The following SLC35B4 variants were observed in gnomAD, a reference collection of about 807,000 sequenced individuals.
SLC35B4 encodes nucleotide sugar transporter SLC35B4.
In SLC35B4, 28 loss-of-function variants were observed where a neutral mutation model predicts 39.5. The observed-to-expected ratio is 0.71, with a 90% CI of 0.53 to 0.97. The LOEUF (loss-of-function observed/expected upper bound fraction) is 0.97. SLC35B4 is among the 50% of genes least tolerant of loss of function. The probability of loss-of-function intolerance (pLI) is 0.00; values close to 1 mark genes in which losing one functional copy is unlikely to be tolerated. For synonymous variants in SLC35B4, 145 were observed against 150.4 expected, an observed-to-expected ratio of 0.96 and a Z score of 0.26; for missense variants, 334 against 414.3, an observed-to-expected ratio of 0.81 and a Z score of 1.68.
chr7:134,316,782 C>CA lies in SLC35B4; in HGVS notation c.-32dup. On this transcript the variant is annotated 5_prime_UTR_variant, in exon 1 of 10. Coordinates refer to ENST00000378509, the MANE Select transcript of SLC35B4 (RefSeq NM_032826.5). Reference sequence around the variant, plus strand: ...GTGCAGGGTTGGGGAAGCAAGCGCACAGAGTAAGCGCCCGCCTGTACCGCT... The same window carrying CA: ...GTGCAGGGTTGGGGAAGCAAGCGCACAAGAGTAAGCGCCCGCCTGTACCGCT... 6.5e-7 allele frequency: 1 copy of CA among 1,531,614 alleles called. No homozygotes were observed. Among genetic ancestry groups the CA allele is most frequent in the Non-Finnish European group, 8.8e-7 (1 of 1,141,108 alleles). 94.9% of individuals were successfully genotyped at this position (1,531,614 alleles called of 1,614,324 possible). A position where few individuals can be genotyped will look rare whatever the true frequency, so the allele number is the denominator to read the frequency against.
At chr7:134,302,450 A>C (rs1803605189) in intron 4 of SLC35B4, among the ~76,000 whole-genome samples, 1 of 152,166 alleles carries the variant, frequency 6.6e-6, no homozygotes, top group Admixed American at 6.5e-5. Context: ...CCTTACTAGG[A>C]TCTGTTGCTT....
At chr7:134,296,945 G>A (rs989851294) in intron 8 of SLC35B4, among the ~76,000 whole-genome samples, 2 of 152,188 alleles carry the variant, frequency 1.3e-5, no homozygotes, top group Non-Finnish European at 2.9e-5. Flanking sequence ...TTTTGAGACA[G>A]AGTCTCACTC....
chr7:134,294,873 G>C lies in SLC35B4; in HGVS notation c.956C>G (p.Thr319Ser), dbSNP rs1486079227. 2.5e-6 allele frequency: 4 copies of C among 1,614,070 alleles called. No individual in the cohort carries two copies. Among genetic ancestry groups the C allele is most frequent in the Non-Finnish European group, 3.4e-6 (4 of 1,180,022 alleles). The change falls in exon 10 of 10, where the codon ACC (threonine) becomes AGC (serine). Residue 319 changes from threonine (T) to serine (S), a missense_variant. Transcript: ENST00000378509. Reference protein sequence around the residue: ...MYTEVWNNLGTTKSEPQKDSK... With the variant: ...MYTEVWNNLGSTKSEPQKDSK... Reference sequence around the variant, plus strand: ...GTCCTTCTGAGGCTCACTTTTTGTGGTCCCTAGGTTGTTCCACACCTCTGT... The same window carrying C: ...GTCCTTCTGAGGCTCACTTTTTGTGCTCCCTAGGTTGTTCCACACCTCTGT...
In SLC35B4 at chr7:134,295,008, G is replaced by T. The variant is rs1393663534; in HGVS notation, c.821C>A (p.Thr274Asn). 2 of 1,614,036 alleles carry T rather than the reference G, an allele frequency of 1.2e-6. No homozygotes were observed. The highest frequency in any genetic ancestry group is 1.7e-6 in the Non-Finnish European group (2 of 1,180,034). Residue 274 changes from threonine to asparagine, a missense_variant, in exon 10 of 10, where the codon ACC (threonine) becomes AAC (asparagine). Thr to Asn is a moderately conservative substitution (Grantham distance 65). Coordinates refer to ENST00000378509, the MANE Select transcript of SLC35B4 (RefSeq NM_032826.5). Reference sequence around the variant, plus strand: ...GATGAGGCTCACAAATTTGCGTAGGGTCACGACGAGCGTGACGGTGAGGGA... The same window carrying T: ...GATGAGGCTCACAAATTTGCGTAGGTTCACGACGAGCGTGACGGTGAGGGA... ...CASLTVTLVV[T>N]LRKFVSLIFS...
chr7:134,303,249 G>A (rs1395479644), intron 4 of SLC35B4, among the ~76,000 whole-genome samples: 1 of 152,096 alleles, frequency 6.6e-6, no homozygotes, highest in African/African-American at 2.4e-5. Context: ...GACACACTCA[G>A]AACAAGTTCT....
At chr7:134,299,476 T>C (rs1447999860) in intron 8 of SLC35B4, 47 bp downstream of exon 8, 1 of 1,457,360 alleles carries the variant, frequency 6.9e-7, no homozygotes, top group Admixed American at 1.7e-5. Flanking sequence ...ACTGAGACTC[T>C]GCCTCAGAAA....
At chr7:134,307,080 A>C (rs1345387942) in intron 2 of SLC35B4, among the ~76,000 whole-genome samples, 1 of 152,238 alleles carries the variant, frequency 6.6e-6, no homozygotes, top group Non-Finnish European at 1.5e-5. Context: ...ATACCTCTGA[A>C]GAACTTGAAA....
chr7:134,289,867 G>T lies in SLC35B4; in HGVS notation c.*4966C>A, dbSNP rs983881502. 6.6e-6 allele frequency: 1 copy of T among 152,054 alleles called. No homozygotes were observed. 9.4% of individuals were successfully genotyped at this position (152,054 alleles called of 1,614,324 possible). On this transcript the variant is annotated 3_prime_UTR_variant, in exon 10 of 10. Coordinates refer to ENST00000378509, the MANE Select transcript of SLC35B4 (RefSeq NM_032826.5). ...AGTATTTCTGCTTTTCTTTTTTCAC[G>T]TATCTCTGGCTCCCTTGCAACTTGC...
chr7:134,317,793 A>ATTCTTTATTT (rs200496417), upstream of SLC35B4, among the ~76,000 whole-genome samples: 1,836 of 152,356 alleles, frequency 0.012, 39 homozygotes, highest in African/African-American at 0.042. Context: ...TACGTACATA[A>ATTCTTTATTT]GCTAGTGCGG....
intron 1 of SLC35B4, among the ~76,000 whole-genome samples, chr7:134,310,694 G>A (rs891656419): frequency 1.3e-5 from 2 of 151,904 alleles, no homozygotes; most frequent in African/African-American, 2.4e-5. Flanking sequence ...ACAGGTGCCC[G>A]CCACCAGGCC....
rs572864672 is a variant in SLC35B4 at position 134,289,898 on chromosome 7, T to C, written c.*4935A>G. The C allele has an allele frequency of 6.6e-6, 1 of 152,282 alleles. No homozygotes were observed. The highest frequency in any genetic ancestry group is 2.4e-5 in the African/African-American group (1 of 41,566). The allele number at this position is 152,282 out of a possible 1,614,324, so 9.4% of individuals were successfully genotyped here. On this transcript the variant is annotated 3_prime_UTR_variant, in exon 10 of 10. Transcript: ENST00000378509. ...CTGGCTCCCTTGCAACTTGCCTCAC[T>C]TGATTAAAATTGACAAATTTTGGTA...
rs1372353803 is a variant in SLC35B4, at chr7:134,316,739, A to T, written c.13T>A (p.Leu5Met). The T allele has an allele frequency of 6.5e-7, 1 of 1,549,272 alleles. No homozygotes were observed. Among genetic ancestry groups the T allele is most frequent in the Admixed American group, 2.0e-5 (1 of 51,006 alleles). Residue 5 changes from leucine (L) to methionine (M), a missense_variant, in exon 1 of 10, where the codon TTG becomes ATG. By Grantham distance (15) the Leu-to-Met change is conservative. Transcript: ENST00000378509. ...CCTGCGAACACCAGGCCCACCGCCA[A>T]GGCCGGGCGCATGGCCGGTGCAGGG... MRPA[L>M]AVGLVFAGCC...
rs1202116248 is a variant in SLC35B4, at chr7:134,294,936, A to G, written c.893T>C (p.Leu298Pro). The G allele has an allele frequency of 4.3e-6, 7 of 1,614,088 alleles. No homozygotes were observed. In the African/African-American group the frequency reaches 6.7e-5, roughly 15 times the overall value. Residue 298 changes from leucine to proline, a missense_variant, in exon 10 of 10, where the codon CTG becomes CCG. Coordinates refer to ENST00000378509, the MANE Select transcript of SLC35B4 (RefSeq NM_032826.5). The stretch of plus-strand genomic sequence containing the variant: ...CCCAATGAAGACAAACAAGGTGCCC[A>G]GCCAGTGCCACAGGGTGAAGGGGTT... ...FQNPFTLWHW[L>P]GTLFVFIGTL... is the part of the protein sequence containing the mutation.
At chr7:134,310,870 G>A (rs1042875026) in intron 1 of SLC35B4, among the ~76,000 whole-genome samples, 3 of 152,036 alleles carry the variant, frequency 2.0e-5, no homozygotes, top group Non-Finnish European at 4.4e-5. Context: ...CTTGACCAAA[G>A]GCATTTACCT....
intron 1 of SLC35B4, among the ~76,000 whole-genome samples, chr7:134,313,061 T>C (rs1803882774): frequency 6.6e-6 from 1 of 152,238 alleles, no homozygotes; most frequent in Non-Finnish European, 1.5e-5. Flanking sequence ...ACTCAAATAA[T>C]TTAATTTTTG....
At chr7:134,304,432 G>C (rs1803661646) in intron 4 of SLC35B4, among the ~76,000 whole-genome samples, 1 of 152,106 alleles carries the variant, frequency 6.6e-6, no homozygotes, top group Non-Finnish European at 1.5e-5. Context: ...ATGAAACTGA[G>C]ACACTAAATA....
In SLC35B4 at chr7:134,294,517, A is replaced by C. The variant is rs757609576; in HGVS notation, c.*316T>G. On this transcript the variant is annotated 3_prime_UTR_variant, in exon 10 of 10. Coordinates refer to ENST00000378509, the MANE Select transcript of SLC35B4 (RefSeq NM_032826.5). The stretch of plus-strand genomic sequence containing the variant: ...AATCTTTTCCAAGACCATGGATAGT[A>C]AGCCTTTTGTTCAGGAGACTCAGAA... 79 of 251,640 alleles carry C rather than the reference A, an allele frequency of 3.1e-4. No homozygotes were observed. The highest frequency in any genetic ancestry group is 1.6e-3 in the African/African-American group (74 of 46,060). 15.6% of individuals were successfully genotyped at this position (251,640 alleles called of 1,614,324 possible). A position where few individuals can be genotyped will look rare whatever the true frequency, so the allele number is the denominator to read the frequency against.
In SLC35B4 at chr7:134,296,435, G is replaced by C. The variant is rs1803467722; in HGVS notation, c.705C>G (p.Thr235=). 6 of 1,613,822 alleles carry C rather than the reference G, an allele frequency of 3.7e-6. No individual in the cohort carries two copies. The African/African-American group carries it at 6.7e-5, about 18-fold the overall frequency. ...ELYEIPVIGV[T]LPIMWFYLLM... ...GGAGGTAGAACCACATGATGGGCAG[G>C]GTCACTCCGATGACGGGAATTTCAT... Residue 235 remains threonine, a synonymous_variant, in exon 9 of 10, where the codon ACC becomes ACG. Transcript: ENST00000378509.
chr7:134,310,714 T>G (rs960001515), intron 1 of SLC35B4, among the ~76,000 whole-genome samples: 2 of 151,910 alleles, frequency 1.3e-5, no homozygotes, highest in African/African-American at 4.8e-5. Context: ...CCGGCTAATT[T>G]TTTTGTTTTT....
Sources: gnomAD v4.1 joint callset for allele counts (sites outside exome capture counted in the v4.1 genomes callset) on GRCh38, gnomAD v4.1.1 for gene constraint, MANE v1.5 for transcripts, NCBI Gene and HGNC (gene_info 2026-07-23, HGNC 2026-07-21) for gene names.